RARB: variants seen among roughly 807,000 people sequenced by gnomAD.
RARB encodes the protein retinoic acid receptor beta, also known as HBV-activated protein.
Under a neutral mutation model 51.9 loss-of-function variants are expected in RARB, and 17 were observed. The observed-to-expected ratio is 0.33, with a 90% confidence interval of 0.22 to 0.49. The LOEUF (loss-of-function observed/expected upper bound fraction) is 0.49. Among genes scored for constraint, RARB ranks in the 20% least tolerant of loss-of-function variants. The pLI, the probability that RARB is intolerant of heterozygous loss-of-function variation, is 0.99. For missense variants in RARB, 369 were observed against 550.8 expected, an observed-to-expected ratio of 0.67 and a Z score of 3.30; for synonymous variants, 215 against 195.4, an observed-to-expected ratio of 1.10 and a Z score of -0.84.
intron 4 of RARB, among the ~76,000 whole-genome samples, chr3:25,140,648 A>G (rs1271119434): frequency 1.3e-5 from 2 of 152,206 alleles, no homozygotes; most frequent in Admixed American, 1.3e-4. Context: ...TGATAAAGCA[A>G]TAGCAGAGGT....
intron 3 of RARB, among the ~76,000 whole-genome samples, chr3:25,104,017 T>C (rs142024370): frequency 5.3e-4 from 80 of 152,340 alleles, no homozygotes; most frequent in African/African-American, 1.8e-3. Context: ...CAGACAGATA[T>C]GCCGTACAGT....
Position 25,340,368 on chromosome 3 carries a change from T to C in RARB, c.179-120825T>C, listed in dbSNP as rs182586244. ...ATTTCCCATTTATGTGAGGACTAGA[T>C]ATAACCATCCCTTCATGCTAAGCCC... On this transcript the variant is annotated intron_variant, in intron 5 of 11. Transcript: ENST00000383772. Among the ~76,000 whole-genome samples the C allele has an allele frequency of 3.9e-5, 6 of 152,306 alleles. No homozygotes were observed. In the East Asian group the frequency reaches 1.2e-3, roughly 29 times the overall value.
intron 2 of RARB, among the ~76,000 whole-genome samples, chr3:24,878,710 T>TC (rs544268457): frequency 1.1e-3 from 160 of 151,882 alleles, no homozygotes; most frequent in Non-Finnish European, 1.2e-3. Context: ...TGTCTTGGAG[T>TC]CGGGGGTGAA....
At chr3:25,223,950 T>C (rs1702000721) in intron 5 of RARB, among the ~76,000 whole-genome samples, 1 of 152,232 alleles carries the variant, frequency 6.6e-6, no homozygotes, top group African/African-American at 2.4e-5. Context: ...TTTCTAAATA[T>C]TTAAAAATTT....
intron 2 of RARB, among the ~76,000 whole-genome samples, chr3:25,471,887 A>T (rs915172707): frequency 2.6e-5 from 4 of 152,144 alleles, no homozygotes; most frequent in African/African-American, 9.7e-5. Context: ...TAAAGAGGTG[A>T]TATGAAATGA....
chr3:25,368,184 C>A (rs1575347965), intron 5 of RARB, among the ~76,000 whole-genome samples: 1 of 152,046 alleles, frequency 6.6e-6, no homozygotes, highest in South Asian at 2.1e-4. Flanking sequence ...CCTTTCTTGG[C>A]AAAGTGAAAA....
At chr3:24,864,248 GTCC>G (rs1207642328) in intron 2 of RARB, among the ~76,000 whole-genome samples, 3 of 152,260 alleles carry the variant, frequency 2.0e-5, no homozygotes, top group African/African-American at 7.2e-5. Context: ...TCCAGGTTCT[GTCC>G]TCCTCTGATG....
rs1700018408 is a variant in RARB, at chr3:25,135,475, C to T, written c.-280+3267C>T. 2.6e-5 allele frequency among the ~76,000 whole-genome samples: 4 copies of T among 151,828 alleles called. No homozygotes were observed. In the Admixed American group the frequency reaches 2.6e-4, roughly 10 times the overall value. ...GAAAACCAGAGATGAGTAAGAAAAG[C>T]CTTAGAATGGCAAATAGACCACGAT... is the stretch of plus-strand genomic sequence containing the variant. On this transcript the variant is annotated intron_variant, in intron 4 of 11. Coordinates refer to the RARB transcript ENST00000383772.
intron 2 of RARB, among the ~76,000 whole-genome samples, chr3:24,985,352 T>C (rs966393397): frequency 6.6e-6 from 1 of 150,966 alleles, no homozygotes; most frequent in Non-Finnish European, 1.5e-5. Context: ...TTTTTTTGTT[T>C]TTTTTTTTTT....
intron 2 of RARB, among the ~76,000 whole-genome samples, chr3:24,952,231 CAAA>C (rs1418990326): frequency 7.0e-6 from 1 of 141,978 alleles, no homozygotes; most frequent in East Asian, 2.2e-4. Context: ...AACAAACAAA[CAAA>C]AAGTAACATT....
At chr3:25,004,391 T>G (rs1697226548) in intron 2 of RARB, among the ~76,000 whole-genome samples, 1 of 152,174 alleles carries the variant, frequency 6.6e-6, no homozygotes, top group Non-Finnish European at 1.5e-5. Flanking sequence ...ATTGGCTCAC[T>G]ATTCTGGAGG....
chr3:25,450,942 C>T (rs536845417), intron 1 of RARB, among the ~76,000 whole-genome samples: 90 of 152,192 alleles, frequency 5.9e-4, no homozygotes, highest in Middle Eastern at 3.4e-3. Context: ...AAAAAATAGC[C>T]GGGCGTGGTG....
intron 2 of RARB, among the ~76,000 whole-genome samples, chr3:25,039,176 A>T (rs991304431): frequency 6.6e-6 from 1 of 152,346 alleles, no homozygotes; most frequent in African/African-American, 2.4e-5. Context: ...CCTATTTCAT[A>T]CACTCTGCAT....
chr3:25,311,241 G>A (rs1304840339), intron 5 of RARB, among the ~76,000 whole-genome samples: 2 of 152,170 alleles, frequency 1.3e-5, no homozygotes, highest in Non-Finnish European at 2.9e-5. Context: ...GGATGCACGT[G>A]GTGTATTTGT....
chr3:25,405,136 C>A (rs1271380036), intron 5 of RARB, among the ~76,000 whole-genome samples: 1 of 152,104 alleles, frequency 6.6e-6, no homozygotes, highest in Non-Finnish European at 1.5e-5. Flanking sequence ...TCTCTTAATC[C>A]CCAGAGACCG....
chr3:25,007,748 A>AT (rs1396778369), intron 2 of RARB, among the ~76,000 whole-genome samples: 1 of 151,954 alleles, frequency 6.6e-6, no homozygotes, highest in Non-Finnish European at 1.5e-5. Context: ...CATTTTCTTG[A>AT]TTTTGGGCTC....
At chr3:24,950,172 TTTC>T (rs1183688202) in intron 2 of RARB, among the ~76,000 whole-genome samples, 1 of 152,234 alleles carries the variant, frequency 6.6e-6, no homozygotes, top group Non-Finnish European at 1.5e-5. Context: ...CATTCTGTGT[TTTC>T]TTCGGAATTA....
intron 4 of RARB, among the ~76,000 whole-genome samples, chr3:25,164,748 C>G (rs912732874): frequency 3.9e-5 from 6 of 152,080 alleles, no homozygotes; most frequent in African/African-American, 1.4e-4. Flanking sequence ...AACTTATTTT[C>G]AAATAGAAAT....
chr3:25,445,721 A>G (rs376589800), intron 1 of RARB, among the ~76,000 whole-genome samples: 1 of 152,198 alleles, frequency 6.6e-6, no homozygotes, highest in South Asian at 2.1e-4. Context: ...CTCAAAGTCC[A>G]CAGTGAGAGT....
Sources: allele counts gnomAD v4.1 joint callset (sites outside exome capture counted in the v4.1 genomes callset), GRCh38; gene constraint gnomAD v4.1.1; transcripts MANE v1.5; gene names NCBI Gene and HGNC (gene_info 2026-07-23, HGNC 2026-07-21).